The following SCRN1 variants were observed in gnomAD, a reference collection of about 807,000 sequenced individuals.
The protein encoded by SCRN1 is secernin-1.
Under a neutral mutation model 43.3 loss-of-function variants are expected in SCRN1, and 19 were observed. The observed-to-expected ratio is 0.44, with a 90% CI of 0.31 to 0.64. SCRN1 has a LOEUF of 0.64. Ranked by LOEUF, SCRN1 falls within the 30% of genes least tolerant of loss-of-function variation. SCRN1 has a pLI of 0.09. For synonymous variants in SCRN1, 183 were observed against 188.9 expected, an observed-to-expected ratio of 0.97 and a Z score of 0.26; for missense variants, 447 against 524.1, an observed-to-expected ratio of 0.85 and a Z score of 1.44.
At chr7:29,953,400 C>T (rs1309827233) in intron 3 of SCRN1, among the ~76,000 whole-genome samples, 7 of 152,074 alleles carry the variant, frequency 4.6e-5, no homozygotes, top group Non-Finnish European at 4.4e-5. Context: ...ATATCAGGTG[C>T]TCTGAAGAAA....
At chr7:29,938,259 G>C (rs1170485895) in intron 5 of SCRN1, among the ~76,000 whole-genome samples, 1 of 152,206 alleles carries the variant, frequency 6.6e-6, no homozygotes, top group Non-Finnish European at 1.5e-5. Flanking sequence ...TTGAACTCCT[G>C]GCCTCAAGTG....
chr7:29,950,499 A>C lies in SCRN1; in HGVS notation c.341+4680T>G, dbSNP rs373634761. 3.3e-5 allele frequency among the ~76,000 whole-genome samples: 5 copies of C among 152,132 alleles called. No homozygotes were observed. The highest frequency in any genetic ancestry group is 1.2e-4 in the African/African-American group (5 of 41,500). On this transcript the variant is annotated intron_variant, in intron 3 of 7. Transcript: ENST00000242059. The surrounding 1 kb of genome is among the most constrained non-coding windows in gnomAD (Gnocchi z 4.5). ...AGGAGCAGGTCCCCAGTGAAACCCC[A>C]CCTTCAAGCCAGGAATGGCCGGAAG...
chr7:29,954,438 T>C (rs1788062421), intron 3 of SCRN1, among the ~76,000 whole-genome samples: 1 of 152,168 alleles, frequency 6.6e-6, no homozygotes, highest in Non-Finnish European at 1.5e-5. Flanking sequence ...CACCACAATC[T>C]AAGGTTTAGA....
intron 6 of SCRN1, among the ~76,000 whole-genome samples, chr7:29,927,705 C>T (rs188742524): frequency 1.3e-5 from 2 of 152,306 alleles, no homozygotes; most frequent in East Asian, 3.9e-4. Flanking sequence ...TGCACTGTGG[C>T]CCACCTCGGG....
At position 29,989,711 on chromosome 7, in the gene SCRN1, G is replaced by C. The variant is rs1361292051; in HGVS notation, c.-71C>G. On this transcript the variant is annotated 5_prime_UTR_variant, in exon 1 of 8. Transcript: ENST00000242059. ...GAGGCTGCGGCCGCCGAGGGTGCGG[G>C]TGCTGCCGGGTCCGGATTACTGCGG... 2 of 985,990 alleles carry C rather than the reference G, an allele frequency of 2.0e-6. No individual in the cohort carries two copies. The highest frequency in any genetic ancestry group is 1.7e-5 in the African/African-American group (1 of 57,372). 61.1% of individuals were successfully genotyped at this position (985,990 alleles called of 1,614,324 possible).
In SCRN1 at chr7:29,989,764, C is replaced by T. The variant is rs926327744; in HGVS notation, c.-124G>A. The T allele has an allele frequency of 4.0e-5, 39 of 986,168 alleles. No individual in the cohort carries two copies. In the African/African-American group the frequency reaches 5.2e-4, roughly 13 times the overall value. 61.1% of individuals were successfully genotyped at this position (986,168 alleles called of 1,614,324 possible). Reference sequence around the variant, plus strand: ...ACCTCGGGGGCTGCAGCTGCAGTGGCGGAGGCGGCCGCCGGGCGCTTCCCC... The same window carrying T: ...ACCTCGGGGGCTGCAGCTGCAGTGGTGGAGGCGGCCGCCGGGCGCTTCCCC... On this transcript the variant is annotated 5_prime_UTR_variant, in exon 1 of 8. Transcript: ENST00000242059.
intron 7 of SCRN1, among the ~76,000 whole-genome samples, chr7:29,926,136 A>G (rs112710501): frequency 0.014 from 2,108 of 152,332 alleles, 25 homozygotes; most frequent in Non-Finnish European, 0.024. Context: ...ACAATATATA[A>G]CAGTTATCCC....
intron 5 of SCRN1, among the ~76,000 whole-genome samples, chr7:29,939,333 C>T (rs1301187858): frequency 2.0e-5 from 3 of 152,072 alleles, no homozygotes; most frequent in African/African-American, 7.2e-5. Context: ...CCCACCTCAG[C>T]CCCTGAAGAG....
At chr7:29,936,430 C>T in intron 6 of SCRN1, 126 bp downstream of exon 6, 1 of 788,240 alleles carries the variant, frequency 1.3e-6, no homozygotes. Context: ...CACACTGAAG[C>T]TGACTGAAAA....
intron 3 of SCRN1, among the ~76,000 whole-genome samples, chr7:29,952,625 G>A (rs964828320): frequency 6.6e-6 from 1 of 151,394 alleles, no homozygotes; most frequent in African/African-American, 2.4e-5. Flanking sequence ...GGGAGGCGGA[G>A]GTTGCAATCA....
intron 2 of SCRN1, 54 bp downstream of exon 2, chr7:29,968,855 G>A (rs988092522): frequency 9.8e-5 from 158 of 1,605,246 alleles, no homozygotes; most frequent in South Asian, 3.0e-4. Flanking sequence ...TTGTGCTAGC[G>A]GCAAAGCCAG....
chr7:29,975,669 G>GT (rs1177682280), intron 1 of SCRN1, among the ~76,000 whole-genome samples: 5 of 152,310 alleles, frequency 3.3e-5, no homozygotes, highest in African/African-American at 1.2e-4. Context: ...ATTTCTTACT[G>GT]TGAGTCTTAA....
At chr7:29,939,897 C>T (rs1787472751) in intron 5 of SCRN1, among the ~76,000 whole-genome samples, 1 of 152,012 alleles carries the variant, frequency 6.6e-6, no homozygotes, top group Non-Finnish European at 1.5e-5. Flanking sequence ...GGCCTGTAAT[C>T]CCAGCACTTT....
intron 5 of SCRN1, among the ~76,000 whole-genome samples, chr7:29,938,618 T>C (rs901932149): frequency 1.3e-5 from 2 of 152,232 alleles, no homozygotes; most frequent in Non-Finnish European, 2.9e-5. Context: ...CCACAAACAA[T>C]AGCATGAGCA....
chr7:29,924,955 C>T (rs1452126086), intron 7 of SCRN1, among the ~76,000 whole-genome samples: 1 of 152,156 alleles, frequency 6.6e-6, no homozygotes, highest in Non-Finnish European at 1.5e-5. Flanking sequence ...ATTTCAAAAC[C>T]CACCAGCCTC....
At chr7:29,936,392 T>C (rs2128088472) in intron 6 of SCRN1, among the ~76,000 whole-genome samples, 164 bp downstream of exon 6, 1 of 152,352 alleles carries the variant, frequency 6.6e-6, no homozygotes, top group Non-Finnish European at 1.5e-5. Flanking sequence ...GGAATTCACT[T>C]AATCAAAGCC....
chr7:29,980,763 T>A (rs1788970125), intron 1 of SCRN1, among the ~76,000 whole-genome samples: 1 of 152,248 alleles, frequency 6.6e-6, no homozygotes, highest in Non-Finnish European at 1.5e-5. Context: ...TTGTGTTTTA[T>A]CATTATCAAA....
At chr7:29,925,625 T>A (rs1786921716) in intron 7 of SCRN1, among the ~76,000 whole-genome samples, 1 of 152,178 alleles carries the variant, frequency 6.6e-6, no homozygotes, top group Non-Finnish European at 1.5e-5. Flanking sequence ...GTGGTTTTCT[T>A]GTTTGAATTG....
rs1288696053 is a variant in SCRN1 at position 29,922,661 on chromosome 7, C to A, written c.*1296G>T. Reference sequence around the variant, plus strand: ...CAGCTACCCGCCTGAATGAAGGCAGCTCCTGGGACATGTGAGGTGTGAGGA... The same window carrying A: ...CAGCTACCCGCCTGAATGAAGGCAGATCCTGGGACATGTGAGGTGTGAGGA... On this transcript the variant is annotated 3_prime_UTR_variant, in exon 8 of 8. Transcript: ENST00000242059. 3.9e-5 allele frequency: 6 copies of A among 152,314 alleles called. No individual in the cohort carries two copies. The allele number at this position is 152,314 out of a possible 1,614,324, so 9.4% of individuals were successfully genotyped here.
Sources: allele counts gnomAD v4.1 joint callset (sites outside exome capture counted in the v4.1 genomes callset), GRCh38; gene constraint gnomAD v4.1.1; non-coding constraint Gnocchi (gnomAD v3.1); transcripts MANE v1.5; gene names NCBI Gene and HGNC (gene_info 2026-07-23, HGNC 2026-07-21).